The following ASTN2 variants were observed in gnomAD, a reference collection of about 807,000 sequenced individuals.
The protein encoded by ASTN2 is astrotactin 2.
A neutral mutation model predicts 139.8 loss-of-function variants in ASTN2; 54 were observed. The observed-to-expected ratio is 0.39, with a 90% confidence interval of 0.31 to 0.48. The LOEUF is 0.48. Among genes scored for constraint, ASTN2 ranks in the 20% least tolerant of loss-of-function variants. ASTN2 has a pLI of 0.95. For synonymous variants in ASTN2, 756 were observed against 719.5 expected, an observed-to-expected ratio of 1.05 and a Z score of -0.81; for missense variants, 1,565 against 1,725.1, an observed-to-expected ratio of 0.91 and a Z score of 1.64.
At chr9:117,248,170 C>T (rs987084130) in intron 2 of ASTN2, among the ~76,000 whole-genome samples, 3 of 152,266 alleles carry the variant, frequency 2.0e-5, no homozygotes, top group South Asian at 2.1e-4. Flanking sequence ...GAGCTATAGA[C>T]AGGAGGAAGG....
intron 19 of ASTN2, among the ~76,000 whole-genome samples, chr9:116,591,386 C>T (rs941545410): frequency 4.6e-5 from 7 of 152,192 alleles, no homozygotes; most frequent in African/African-American, 9.6e-5. Context: ...TAGCTGCACC[C>T]CACACCCACT....
chr9:116,813,797 G>A (rs1564281934), intron 12 of ASTN2, among the ~76,000 whole-genome samples: 1 of 152,038 alleles, frequency 6.6e-6, no homozygotes. Context: ...CACTTTGGGG[G>A]GCTGAGACTG....
intron 1 of ASTN2, among the ~76,000 whole-genome samples, chr9:117,369,444 C>A (rs1440633555): frequency 6.6e-6 from 1 of 152,018 alleles, no homozygotes; most frequent in Non-Finnish European, 1.5e-5. Flanking sequence ...GGTTGCAATA[C>A]CCATTTCATA....
chr9:116,476,983 G>C (rs1849000246), intron 20 of ASTN2, among the ~76,000 whole-genome samples: 1 of 152,080 alleles, frequency 6.6e-6, no homozygotes, highest in African/African-American at 2.4e-5. Context: ...AGAAAGCCCA[G>C]CTCCTCTGCT....
intron 5 of ASTN2, among the ~76,000 whole-genome samples, chr9:117,064,101 A>G (rs535041800): frequency 3.4e-4 from 51 of 152,084 alleles, no homozygotes; most frequent in African/African-American, 1.2e-3. Flanking sequence ...TGTTAATACA[A>G]TAAACCGGTG....
chr9:116,563,148 G>A (rs1296763887), intron 19 of ASTN2, among the ~76,000 whole-genome samples: 1 of 152,074 alleles, frequency 6.6e-6, no homozygotes, highest in Admixed American at 6.5e-5. Flanking sequence ...GGCCGAGGTG[G>A]GCGGATCATA....
At chr9:116,431,061 T>C (rs1234079367) in intron 22 of ASTN2, among the ~76,000 whole-genome samples, 2 of 152,196 alleles carry the variant, frequency 1.3e-5, no homozygotes, top group African/African-American at 2.4e-5. Flanking sequence ...TACTAATTTA[T>C]TGTTTTATCA....
Position 116,425,503 on chromosome 9 carries a change from G to A in ASTN2, c.*348C>T. On this transcript the variant is annotated 3_prime_UTR_variant, in exon 23 of 23. Coordinates refer to ENST00000313400, the MANE Select transcript of ASTN2 (RefSeq NM_001365068.1). The stretch of plus-strand genomic sequence containing the variant: ...CATGGCAGGAAGAAAGCAGAGTGTG[G>A]CAGGAAGAAGGAAGAAGAGCAAAGG... 6.7e-7 allele frequency: 1 copy of A among 1,489,016 alleles called. No homozygotes were observed. Among genetic ancestry groups the A allele is most frequent in the Non-Finnish European group, 9.3e-7 (1 of 1,073,590 alleles). 92.2% of individuals were successfully genotyped at this position (1,489,016 alleles called of 1,614,324 possible). A position where few individuals can be genotyped will look rare whatever the true frequency, so the allele number is the denominator to read the frequency against.
At chr9:116,514,204 A>G (rs1449044533) in intron 19 of ASTN2, among the ~76,000 whole-genome samples, 3 of 149,884 alleles carry the variant, frequency 2.0e-5, no homozygotes, top group African/African-American at 7.4e-5. Context: ...TCTGTTTGTT[A>G]GTTTTCCTTC....
chr9:116,958,053 G>T (rs1195756214), intron 10 of ASTN2, among the ~76,000 whole-genome samples: 1 of 152,212 alleles, frequency 6.6e-6, no homozygotes, highest in African/African-American at 2.4e-5. Context: ...ATATCAGGAA[G>T]CATGTGATGT....
chr9:117,081,142 T>A (rs937585578), intron 5 of ASTN2, among the ~76,000 whole-genome samples: 1 of 152,196 alleles, frequency 6.6e-6, no homozygotes, highest in East Asian at 1.9e-4. Context: ...ACTGAGTGAC[T>A]TGGGGTACTG....
chr9:117,200,348 C>T (rs796837945), intron 3 of ASTN2, among the ~76,000 whole-genome samples: 3 of 151,842 alleles, frequency 2.0e-5, no homozygotes, highest in Non-Finnish European at 2.9e-5. Context: ...TCTGAATACC[C>T]TTTATTTCTT....
At chr9:117,339,497 A>C (rs977180414) in intron 1 of ASTN2, among the ~76,000 whole-genome samples, 1 of 152,174 alleles carries the variant, frequency 6.6e-6, no homozygotes, top group Non-Finnish European at 1.5e-5. Flanking sequence ...TGTCTTTACA[A>C]AAGCCAAAAA....
intron 5 of ASTN2, among the ~76,000 whole-genome samples, chr9:117,059,241 T>C (rs897793239): frequency 3.9e-5 from 6 of 152,152 alleles, no homozygotes; most frequent in African/African-American, 1.4e-4. Flanking sequence ...GGTGGTGTCT[T>C]GACATCTGTA....
chr9:116,436,909 G>C (rs965786314), intron 22 of ASTN2, among the ~76,000 whole-genome samples: 1 of 151,840 alleles, frequency 6.6e-6, no homozygotes, highest in African/African-American at 2.4e-5. Flanking sequence ...GTCCTTTGTA[G>C]GGACATGGAT....
At chr9:116,961,928 C>T (rs1835884986) in intron 10 of ASTN2, among the ~76,000 whole-genome samples, 1 of 152,196 alleles carries the variant, frequency 6.6e-6, no homozygotes, top group Non-Finnish European at 1.5e-5. Flanking sequence ...TCACTTGATT[C>T]TCAACAGCAT....
intron 1 of ASTN2, among the ~76,000 whole-genome samples, chr9:117,295,758 A>AG (rs1162687277): frequency 8.5e-5 from 13 of 152,166 alleles, no homozygotes; most frequent in Non-Finnish European, 1.8e-4. Flanking sequence ...TTAAAAAAAA[A>AG]AAAGAAGAAG....
At chr9:116,669,254 A>T (rs1800595573) in intron 16 of ASTN2, among the ~76,000 whole-genome samples, 1 of 152,208 alleles carries the variant, frequency 6.6e-6, no homozygotes, top group African/African-American at 2.4e-5. Flanking sequence ...ATTTGCATGT[A>T]ATTAAAAGTG....
At chr9:116,770,114 A>C (rs946476280) in intron 13 of ASTN2, among the ~76,000 whole-genome samples, 3 of 151,564 alleles carry the variant, frequency 2.0e-5, no homozygotes, top group Admixed American at 6.6e-5. Context: ...AAAAAAAAAA[A>C]AAAAACTAAA....
Sources: gnomAD v4.1 joint callset for allele counts (sites outside exome capture counted in the v4.1 genomes callset) on GRCh38, gnomAD v4.1.1 for gene constraint, MANE v1.5 for transcripts, NCBI Gene and HGNC (gene_info 2026-07-23, HGNC 2026-07-21) for gene names.